DUSP22: variants seen among roughly 807,000 people sequenced by gnomAD.
DUSP22 encodes dual specificity phosphatase 22.
A neutral mutation model predicts 24.5 loss-of-function variants in DUSP22; 24 were observed. The observed-to-expected ratio is 0.98, with a 90% CI of 0.71 to 1.38. The LOEUF is 1.38. DUSP22 is among the 40% of genes most tolerant of loss of function. DUSP22 has a pLI of 0.00. For missense variants in DUSP22, 330 were observed against 269.2 expected (o/e 1.23, Z -1.58); for synonymous variants, 160 against 106.4 (o/e 1.50, Z -3.10).
In DUSP22 at chr6:351,156, C is replaced by A. The variant is rs1046656; in HGVS notation, c.*2205C>A. 4 of 476,674 alleles carry A rather than the reference C, an allele frequency of 8.4e-6. No homozygotes were observed. The highest frequency in any genetic ancestry group is 1.5e-5 in the Non-Finnish European group (4 of 267,998). The allele number at this position is 476,674 out of a possible 1,614,324, so 29.5% of individuals were successfully genotyped here. On this transcript the variant is annotated 3_prime_UTR_variant, in exon 7 of 7. Coordinates refer to ENST00000419235, the MANE Select transcript of DUSP22 (RefSeq NM_001286555.3). Reference sequence around the variant, plus strand: ...ACTGCCTTGTGGGTGGCTTGGCGCTCGTGATTGCTTCCTGTGAACGCCTCC... The same window carrying A: ...ACTGCCTTGTGGGTGGCTTGGCGCTAGTGATTGCTTCCTGTGAACGCCTCC...
chr6:317,164 T>C (rs1414747284), intron 3 of DUSP22, among the ~76,000 whole-genome samples: 1 of 152,304 alleles, frequency 6.6e-6, no homozygotes, highest in Non-Finnish European at 1.5e-5. Flanking sequence ...CTTCTGTCTT[T>C]ATTTACCTGC....
In DUSP22 at chr6:350,288, C is replaced by G. The variant is rs986844018; in HGVS notation, c.*1337C>G. 4 of 992,922 alleles carry G rather than the reference C, an allele frequency of 4.0e-6. No homozygotes were observed. In the African/African-American group the frequency reaches 5.3e-5, roughly 13 times the overall value. 61.5% of individuals were successfully genotyped at this position (992,922 alleles called of 1,614,324 possible). Reference sequence around the variant, plus strand: ...TTCCACATTCAGGCCACGAGAGCATCTACAGTTTGTACTCTGGGGCTGCAG... The same window carrying G: ...TTCCACATTCAGGCCACGAGAGCATGTACAGTTTGTACTCTGGGGCTGCAG... On this transcript the variant is annotated 3_prime_UTR_variant, in exon 7 of 7. Transcript: ENST00000419235.
rs1760153085 is a variant in DUSP22 at position 350,598 on chromosome 6, A to G, written c.*1647A>G. On this transcript the variant is annotated 3_prime_UTR_variant, in exon 7 of 7. Transcript: ENST00000419235. Reference sequence around the variant, plus strand: ...ACAGGCCCCGGATGTACACCCGGAAAGGGGAGTGTGGCTGTAGAATCATCC... The same window carrying G: ...ACAGGCCCCGGATGTACACCCGGAAGGGGGAGTGTGGCTGTAGAATCATCC... 3.5e-6 allele frequency: 5 copies of G among 1,430,848 alleles called. No homozygotes were observed. In the South Asian group the frequency reaches 4.5e-5, roughly 13 times the overall value. The allele number at this position is 1,430,848 out of a possible 1,614,324, so 88.6% of individuals were successfully genotyped here. A position where few individuals can be genotyped will look rare whatever the true frequency, so the allele number is the denominator to read the frequency against.
At chr6:304,688 G>A (rs375630773) in intron 2 of DUSP22, 27 bp downstream of exon 2, 35 of 1,613,642 alleles carry the variant, frequency 2.2e-5, no homozygotes, top group Non-Finnish European at 2.8e-5. Flanking sequence ...TTATTGTTGT[G>A]ATAAAATACA....
intron 3 of DUSP22, among the ~76,000 whole-genome samples, chr6:329,680 C>G (rs1038269267): frequency 6.6e-6 from 1 of 152,306 alleles, no homozygotes; most frequent in Non-Finnish European, 1.5e-5. Flanking sequence ...TCTCGAACTC[C>G]TGACCTCGTG....
chr6:301,543 G>C (rs540933418), intron 1 of DUSP22, among the ~76,000 whole-genome samples: 1 of 152,424 alleles, frequency 6.6e-6, no homozygotes, highest in African/African-American at 2.4e-5. Flanking sequence ...GAAGAATATG[G>C]CTTTAGAAAA....
chr6:341,125 G>T (rs546514132), intron 4 of DUSP22, among the ~76,000 whole-genome samples: 2 of 152,300 alleles, frequency 1.3e-5, no homozygotes, highest in African/African-American at 4.8e-5. Context: ...CAAGGACCGC[G>T]GGCAGGAGCG....
At chr6:334,898 T>G (rs565458619) in intron 3 of DUSP22, among the ~76,000 whole-genome samples, 1 of 152,428 alleles carries the variant, frequency 6.6e-6, no homozygotes, top group Admixed American at 6.5e-5. Flanking sequence ...ACAGGCTGTT[T>G]GCAAACCAAA....
chr6:301,229 G>A (rs1043034305), intron 1 of DUSP22, among the ~76,000 whole-genome samples: 1 of 152,234 alleles, frequency 6.6e-6, no homozygotes, highest in Non-Finnish European at 1.5e-5. Flanking sequence ...GGCCATTACA[G>A]GGTTTGTGGT....
At chr6:309,470 G>C (rs1757966723) in intron 2 of DUSP22, among the ~76,000 whole-genome samples, 2 of 152,300 alleles carry the variant, frequency 1.3e-5, no homozygotes, top group South Asian at 4.1e-4. Context: ...CTGAGAGGTT[G>C]GAGCAATGAA....
At chr6:293,994 T>C (rs1757212349) in intron 1 of DUSP22, among the ~76,000 whole-genome samples, 1 of 152,290 alleles carries the variant, frequency 6.6e-6, no homozygotes, top group African/African-American at 2.4e-5. Flanking sequence ...CCATTGGTGG[T>C]GGTATCTCAG....
chr6:335,063 A>T, intron 3 of DUSP22, 51 bp from the exon 4 acceptor site: 1 of 1,586,086 alleles, frequency 6.3e-7, no homozygotes, highest in Non-Finnish European at 8.6e-7. Flanking sequence ...ACTTTTCTCC[A>T]CTGAGTTTCA....
intron 6 of DUSP22, 71 bp downstream of exon 6, chr6:348,345 C>A: frequency 6.3e-7 from 1 of 1,593,516 alleles, no homozygotes; most frequent in South Asian, 1.1e-5. Flanking sequence ...TCTTTCCGTA[C>A]ACAGCCAGCA....
At chr6:296,441 C>T (rs1248554373) in intron 1 of DUSP22, among the ~76,000 whole-genome samples, 1 of 152,300 alleles carries the variant, frequency 6.6e-6, no homozygotes, top group Admixed American at 6.5e-5. Context: ...GGCTCGGCCA[C>T]AATGCAGAGT....
chr6:308,078 C>T (rs1156320972), intron 2 of DUSP22, among the ~76,000 whole-genome samples: 7 of 152,294 alleles, frequency 4.6e-5, no homozygotes, highest in Admixed American at 4.6e-4. Context: ...TCATTCCCTC[C>T]AGGGCTCAGT....
At chr6:312,062 C>G (rs540068014) in intron 3 of DUSP22, 100 bp downstream of exon 3, 2 of 1,257,636 alleles carry the variant, frequency 1.6e-6, no homozygotes, top group Non-Finnish European at 2.2e-6. Context: ...CCAATGCGAA[C>G]GTACTCCTGT....
chr6:342,994 T>G (rs553409426), intron 4 of DUSP22, among the ~76,000 whole-genome samples: 2 of 152,416 alleles, frequency 1.3e-5, no homozygotes, highest in Non-Finnish European at 2.9e-5. Context: ...AGCTCTTTGC[T>G]GGGGGCCAGG....
At chr6:336,971 C>CTG (rs1759385361) in intron 4 of DUSP22, 1 of 152,442 alleles carries the variant, frequency 6.6e-6, no homozygotes, top group South Asian at 2.1e-4. Flanking sequence ...TTCTGACATG[C>CTG]TGTTGAACTT....
intron 4 of DUSP22, among the ~76,000 whole-genome samples, chr6:340,160 G>C (rs1198875820): frequency 1.3e-5 from 2 of 152,304 alleles, no homozygotes; most frequent in African/African-American, 4.8e-5. Flanking sequence ...CCCTTATCTG[G>C]CCAAATGAAA....
Sources: allele counts gnomAD v4.1 joint callset (sites outside exome capture counted in the v4.1 genomes callset), GRCh38; gene constraint gnomAD v4.1.1; transcripts MANE v1.5; gene names NCBI Gene and HGNC (gene_info 2026-07-23, HGNC 2026-07-21).